ZDHHC7: variants seen among roughly 807,000 people sequenced by gnomAD.
ZDHHC7 encodes zDHHC palmitoyltransferase 7.
ZDHHC7 carries 12 observed loss-of-function variants against 34.1 expected under a neutral mutation model. The ratio of observed to expected loss-of-function variants is 0.35; its 90% CI spans 0.23 to 0.57. ZDHHC7 has a LOEUF of 0.57. Among genes scored for constraint, ZDHHC7 ranks in the 20% least tolerant of loss-of-function variants. The pLI, the probability that ZDHHC7 is intolerant of heterozygous loss-of-function variation, is 0.84. For synonymous variants in ZDHHC7, 185 were observed against 155.4 expected (o/e 1.19, Z -1.42); for missense variants, 388 against 402.7 (o/e 0.96, Z 0.31).
intron 3 of ZDHHC7, chr16:84,988,771 G>A (rs959369690): frequency 6.4e-7 from 1 of 1,551,546 alleles, no homozygotes; most frequent in African/African-American, 1.4e-5. Flanking sequence ...ACAAGCAGGA[G>A]GCTTTGCACA....
intron 1 of ZDHHC7, among the ~76,000 whole-genome samples, chr16:85,008,370 C>T (rs2072745143): frequency 6.6e-6 from 1 of 152,038 alleles, no homozygotes; most frequent in Admixed American, 6.5e-5. Context: ...TCCATGCATA[C>T]TGTCACACAT....
chr16:84,990,406 C>T lies in ZDHHC7; in HGVS notation c.213G>A (p.Leu71=), dbSNP rs751306989. The T allele has an allele frequency of 1.2e-6, 2 of 1,614,148 alleles. No homozygotes were observed. Among genetic ancestry groups the T allele is most frequent in the East Asian group, 4.5e-5 (2 of 44,872 alleles). Residue 71 remains leucine, a synonymous_variant, in exon 3 of 8, where the codon CTG becomes CTA. Transcript: ENST00000313732. The part of the protein sequence containing the change: ...ADFVVTFVML[L]PSKDFWYSVV... ...CAGAGTACCAGAAGTCTTTGGAAGGCAGCAGCATGACGAAAGTCACCACGA... is the reference window on the plus strand; with the variant it reads ...CAGAGTACCAGAAGTCTTTGGAAGGTAGCAGCATGACGAAAGTCACCACGA...
chr16:84,981,936 G>C lies in ZDHHC7; in HGVS notation c.374C>G (p.Pro125Arg), dbSNP rs767090599. Residue 125 changes from proline (P) to arginine (R), a missense_variant, in exon 4 of 8, where the codon CCC (proline) becomes CGC (arginine). Physicochemically the swap from Pro to Arg is moderately radical, Grantham distance 103. Coordinates refer to ENST00000313732, the MANE Select transcript of ZDHHC7 (RefSeq NM_017740.3). ...GGGGCACTTGTAGATGACTTCCCCG[G>C]GCTTCAGCTGCAAGCTCTCCATGTA... ...KEYMESLQLK[P>R]GEVIYKCPKC... 1 of 1,614,188 alleles carries C rather than the reference G, an allele frequency of 6.2e-7. No homozygotes were observed. Among genetic ancestry groups the C allele is most frequent in the South Asian group, 1.1e-5 (1 of 91,088 alleles).
the ZDHHC7 span, among the ~76,000 whole-genome samples, chr16:85,026,015 G>C: frequency 9.2e-5 from 14 of 152,174 alleles, no homozygotes; most frequent in African/African-American, 3.1e-4. Flanking sequence ...TTAAAAAATG[G>C]TCATGTAATC....
upstream of ZDHHC7, among the ~76,000 whole-genome samples, chr16:85,013,904 T>C (rs1597572918): frequency 6.6e-6 from 1 of 152,036 alleles, no homozygotes; most frequent in African/African-American, 2.4e-5. Context: ...GCCAGGCTGG[T>C]CTGCAACTCC....
chr16:84,991,780 G>C (rs780817954), intron 2 of ZDHHC7, among the ~76,000 whole-genome samples: 1 of 152,086 alleles, frequency 6.6e-6, no homozygotes. Flanking sequence ...ATTACAGGTA[G>C]AGCCACCATG....
chr16:85,007,310 C>G (rs1187978632), intron 1 of ZDHHC7, among the ~76,000 whole-genome samples: 1 of 151,436 alleles, frequency 6.6e-6, no homozygotes, highest in East Asian at 1.9e-4. Flanking sequence ...GTAATCCCAG[C>G]TACTCGGGAG....
In ZDHHC7 at chr16:84,977,113, G is replaced by A; in HGVS notation, c.732C>T (p.Ser244=). The A allele has an allele frequency of 6.2e-7, 1 of 1,614,202 alleles. No homozygotes were observed. The part of the protein sequence containing the change: ...TAVMFGTQIH[S]ICNDETEIER... ...AGCTTACCGTCTCGTCGTTGCATATGGAGTGGATTTGGGTGCCAAACATAA... is the reference window on the plus strand; with the variant it reads ...AGCTTACCGTCTCGTCGTTGCATATAGAGTGGATTTGGGTGCCAAACATAA... The change falls in exon 7 of 8, where the codon TCC becomes TCT. Residue 244 remains serine, a synonymous_variant. Coordinates refer to ENST00000313732, the MANE Select transcript of ZDHHC7 (RefSeq NM_017740.3).
chr16:85,013,324 C>T (rs187714521), upstream of ZDHHC7, among the ~76,000 whole-genome samples: 23 of 152,140 alleles, frequency 1.5e-4, no homozygotes, highest in African/African-American at 5.1e-4. Flanking sequence ...CTCACTGTAA[C>T]CTCCACTTCC....
intron 3 of ZDHHC7, among the ~76,000 whole-genome samples, chr16:84,982,789 C>T (rs1298441730): frequency 1.3e-5 from 2 of 152,226 alleles, no homozygotes; most frequent in Non-Finnish European, 2.9e-5. Flanking sequence ...TCCATCTGTG[C>T]CCCAAGTGCT....
the ZDHHC7 span, among the ~76,000 whole-genome samples, chr16:85,018,693 G>A: frequency 6.6e-6 from 1 of 151,944 alleles, no homozygotes; most frequent in Non-Finnish European, 1.5e-5. Flanking sequence ...CAGGTGATCC[G>A]CCCACCTTGG....
chr16:84,987,162 C>T (rs1488220371), intron 3 of ZDHHC7, among the ~76,000 whole-genome samples: 1 of 152,254 alleles, frequency 6.6e-6, no homozygotes, highest in African/African-American at 2.4e-5. Context: ...AGCATCCTTG[C>T]CCTGGGGCTC....
chr16:84,995,470 A>G (rs1397641591), intron 2 of ZDHHC7, among the ~76,000 whole-genome samples: 2 of 152,174 alleles, frequency 1.3e-5, no homozygotes, highest in African/African-American at 4.8e-5. Context: ...TACCAAAAAT[A>G]TAAAAATTAG....
chr16:84,978,601 G>T (rs559630634), intron 5 of ZDHHC7, among the ~76,000 whole-genome samples: 1 of 151,934 alleles, frequency 6.6e-6, no homozygotes, highest in Non-Finnish European at 1.5e-5. Context: ...GGTGGCTCAC[G>T]ACTGTAATCC....
chr16:85,013,690 T>G (rs1468126975), upstream of ZDHHC7, among the ~76,000 whole-genome samples: 1 of 152,096 alleles, frequency 6.6e-6, no homozygotes, highest in Non-Finnish European at 1.5e-5. Flanking sequence ...TGTGTTTTTT[T>G]GTTTTGTTTT....
chr16:84,991,283 T>C (rs911773382), intron 2 of ZDHHC7, among the ~76,000 whole-genome samples: 3 of 152,104 alleles, frequency 2.0e-5, no homozygotes, highest in Admixed American at 6.5e-5. Context: ...ATGCCCTTCA[T>C]CTCTATTTTA....
chr16:84,988,022 T>G (rs1026631130), intron 3 of ZDHHC7, among the ~76,000 whole-genome samples: 3 of 152,054 alleles, frequency 2.0e-5, no homozygotes, highest in African/African-American at 7.2e-5. Context: ...ACAAAAAAAT[T>G]AGCCGGGCAT....
the ZDHHC7 span, among the ~76,000 whole-genome samples, chr16:85,027,058 T>C: frequency 6.6e-6 from 1 of 152,186 alleles, no homozygotes; most frequent in Non-Finnish European, 1.5e-5. Flanking sequence ...CAGAAGAAAC[T>C]GAATGGCCTG....
rs1472922337 is a variant in ZDHHC7 at position 84,990,613 on chromosome 16, C to T, written c.6G>A (p.Gln2=). 6.2e-7 allele frequency: 1 copy of T among 1,612,722 alleles called. No homozygotes were observed. The change falls in exon 3 of 8, where the codon CAG becomes CAA. Residue 2 remains glutamine, a synonymous_variant. Coordinates refer to ENST00000313732, the MANE Select transcript of ZDHHC7 (RefSeq NM_017740.3). ...CGTCCCGGAGCCTGTGTCCTGATGG[C>T]TGCATGATTTCCCTGACGCACCCTG... The part of the protein sequence containing the change: M[Q]PSGHRLRDVE...
Sources: gnomAD v4.1 joint callset for allele counts (sites outside exome capture counted in the v4.1 genomes callset) on GRCh38, gnomAD v4.1.1 for gene constraint, MANE v1.5 for transcripts, NCBI Gene and HGNC (gene_info 2026-07-23, HGNC 2026-07-21) for gene names.